Variants in SOX5 observed in about 807,000 individuals in gnomAD.
SOX5 encodes SRY-box transcription factor 5.
SOX5 carries 9 observed loss-of-function variants against 92.0 expected under a neutral mutation model. The observed-to-expected ratio is 0.10, with a 90% CI of 0.06 to 0.17. SOX5 has a LOEUF of 0.17. Ranked by LOEUF, SOX5 falls within the 10% of genes least tolerant of loss-of-function variation. The probability of loss-of-function intolerance (pLI) is 1.00; values close to 1 mark genes in which losing one functional copy is unlikely to be tolerated. For missense variants in SOX5, 642 were observed against 944.5 expected (o/e 0.68, Z 4.20); for synonymous variants, 344 against 336.3 (o/e 1.02, Z -0.25).
At chr12:24,468,135 T>C (rs1473137649) in intron 1 of SOX5, among the ~76,000 whole-genome samples, 3 of 152,178 alleles carry the variant, frequency 2.0e-5, no homozygotes, top group African/African-American at 7.2e-5. Context: ...ACTGATTAGA[T>C]GGAGCGGGTG....
chr12:24,532,054 A>G (rs1003821630), intron 1 of SOX5, among the ~76,000 whole-genome samples: 1 of 152,224 alleles, frequency 6.6e-6, no homozygotes. Flanking sequence ...AGCAAATATC[A>G]AATGAAAGTA....
intron 8 of SOX5, among the ~76,000 whole-genome samples, chr12:23,632,951 T>C (rs1406017652): frequency 6.6e-6 from 1 of 152,154 alleles, no homozygotes; most frequent in Admixed American, 6.5e-5. Flanking sequence ...TTTAAAATAG[T>C]CCTACTAAAA....
intron 2 of SOX5, among the ~76,000 whole-genome samples, chr12:23,890,264 G>C (rs189637735): frequency 2.9e-4 from 43 of 149,446 alleles, no homozygotes; most frequent in African/African-American, 1.0e-3. Context: ...AAGTTGCAGC[G>C]AGCCAAGACT....
chr12:23,585,628 T>C lies in SOX5; in HGVS notation c.1165-9790A>G, dbSNP rs963630148. 5.3e-5 allele frequency among the ~76,000 whole-genome samples: 8 copies of C among 152,170 alleles called. No individual in the cohort carries two copies. In the East Asian group the frequency reaches 9.6e-4, roughly 18 times the overall value. On this transcript the variant is annotated intron_variant, in intron 9 of 14. Transcript: ENST00000451604. ...TAAGAGCAGTACAGTAATAGTGATA[T>C]AGGAGTTAGTAAGAAATTATTTAGG...
At chr12:24,374,577 A>G (rs1266283907) in intron 1 of SOX5, among the ~76,000 whole-genome samples, 1 of 152,116 alleles carries the variant, frequency 6.6e-6, no homozygotes, top group Non-Finnish European at 1.5e-5. Context: ...AAGCCCTGGC[A>G]TGGGGAGAAA....
intron 11 of SOX5, among the ~76,000 whole-genome samples, chr12:23,560,453 G>A (rs771994523): frequency 2.6e-5 from 4 of 152,138 alleles, no homozygotes; most frequent in Non-Finnish European, 5.9e-5. Flanking sequence ...ATAGATATGT[G>A]GTTTATATGA....
intron 4 of SOX5, among the ~76,000 whole-genome samples, chr12:23,969,794 T>C (rs1198442763): frequency 6.6e-6 from 1 of 152,248 alleles, no homozygotes; most frequent in Non-Finnish European, 1.5e-5. Context: ...TGGAACAATA[T>C]TGAGCCAGAT....
chr12:23,543,878 CACTG>C lies in SOX5; in HGVS notation c.1598-498_1598-495del, dbSNP rs1351763418. 4.6e-5 allele frequency among the ~76,000 whole-genome samples: 7 copies of C among 152,300 alleles called. 1 individual carries two copies. Among genetic ancestry groups the C allele is most frequent in the Admixed American group, 3.9e-4 (6 of 15,300 alleles). On this transcript the variant is annotated intron_variant, in intron 12 of 14. Coordinates refer to ENST00000451604, the MANE Select transcript of SOX5 (RefSeq NM_006940.6). ...CTCTCCGAGGTTACAAAAATAAAAA[CACTG>C]ACCAAATTTTGAGGTTAAAAACAAT...
chr12:23,627,805 T>A (rs933096369), intron 8 of SOX5, among the ~76,000 whole-genome samples: 13 of 152,008 alleles, frequency 8.6e-5, no homozygotes, highest in African/African-American at 3.1e-4. Context: ...TTGTAAATGT[T>A]TAAATAAAAT....
intron 6 of SOX5, among the ~76,000 whole-genome samples, chr12:23,667,447 T>G (rs996359600): frequency 7.9e-5 from 12 of 152,186 alleles, no homozygotes; most frequent in Non-Finnish European, 1.8e-4. Context: ...GCATTTTGTT[T>G]TAGTATTATA....
At position 23,785,143 on chromosome 12, in the gene SOX5, T is replaced by C. The variant is rs756010616; in HGVS notation, c.482-29419A>G. Among the ~76,000 whole-genome samples, 81 of 152,308 alleles carry C rather than the reference T, an allele frequency of 5.3e-4. 1 individual carries two copies. The highest frequency in any genetic ancestry group is 3.4e-3 in the Middle Eastern group (1 of 294). On this transcript the variant is annotated intron_variant, in intron 3 of 14. Coordinates refer to ENST00000451604, the MANE Select transcript of SOX5 (RefSeq NM_006940.6). ...CTTTGCGCATCTTCTTTGAGAAAGA[T>C]CACAACTGACAAGTGTTCTTGATGC...
At chr12:23,568,024 C>T (rs908418647) in intron 10 of SOX5, among the ~76,000 whole-genome samples, 2 of 152,082 alleles carry the variant, frequency 1.3e-5, no homozygotes, top group Admixed American at 1.3e-4. Context: ...AAGTCCTAAA[C>T]TTAATTATCT....
chr12:23,559,286 G>A (rs561686925), intron 11 of SOX5, among the ~76,000 whole-genome samples: 25 of 152,244 alleles, frequency 1.6e-4, no homozygotes, highest in African/African-American at 5.5e-4. Flanking sequence ...TCATACCTGA[G>A]AAGCTCACTT....
intron 10 of SOX5, among the ~76,000 whole-genome samples, chr12:23,566,445 A>G (rs16926378): frequency 0.025 from 3,744 of 152,256 alleles, 170 homozygotes; most frequent in African/African-American, 0.084. Context: ...AGCATTGACC[A>G]TCCTCTCTTT....
At chr12:23,792,772 T>C (rs1389933716) in intron 3 of SOX5, among the ~76,000 whole-genome samples, 1 of 151,634 alleles carries the variant, frequency 6.6e-6, no homozygotes, top group Non-Finnish European at 1.5e-5. Context: ...GACCTCATCA[T>C]CTGTTGTGGT....
chr12:23,826,794 G>A (rs908051011), intron 3 of SOX5, among the ~76,000 whole-genome samples: 18 of 152,130 alleles, frequency 1.2e-4, no homozygotes, highest in Non-Finnish European at 2.5e-4. Flanking sequence ...TCTTCCACAT[G>A]ACTAATGTCA....
intron 4 of SOX5, among the ~76,000 whole-genome samples, chr12:24,071,997 G>A (rs1592888709): frequency 6.6e-6 from 1 of 152,136 alleles, no homozygotes; most frequent in East Asian, 1.9e-4. Context: ...AAAGTAACCT[G>A]TTCAAGGGAA....
intron 4 of SOX5, among the ~76,000 whole-genome samples, chr12:24,077,509 TGTTGG>T (rs1942772954): frequency 6.6e-6 from 1 of 151,990 alleles, no homozygotes; most frequent in African/African-American, 2.4e-5. Context: ...AACAGTTAAC[TGTTGG>T]AGAGTTGCTT....
At position 23,566,146 on chromosome 12, in the gene SOX5, A is replaced by G. The variant is rs560255189; in HGVS notation, c.1343-2743T>C. Among the ~76,000 whole-genome samples the G allele has an allele frequency of 1.2e-4, 19 of 152,178 alleles. No homozygotes were observed. The East Asian group carries it at 3.5e-3, about 28-fold the overall frequency. ...ATTCTATTTCTCATTTATATCATCT[A>G]TCTAATTGTCTCCACCATCTCTACC... On this transcript the variant is annotated intron_variant, in intron 10 of 14. Coordinates refer to ENST00000451604, the MANE Select transcript of SOX5 (RefSeq NM_006940.6).
Sources: allele counts gnomAD v4.1 joint callset (sites outside exome capture counted in the v4.1 genomes callset), GRCh38; gene constraint gnomAD v4.1.1; transcripts MANE v1.5; gene names NCBI Gene and HGNC (gene_info 2026-07-23, HGNC 2026-07-21).